The following IGF2R variants were observed in gnomAD, a reference collection of about 807,000 sequenced individuals.
The protein encoded by IGF2R is insulin like growth factor 2 receptor.
IGF2R carries 91 observed loss-of-function variants against 270.6 expected under a neutral mutation model. The observed-to-expected ratio is 0.34, with a 90% CI of 0.28 to 0.40. The LOEUF is 0.40. Among genes scored for constraint, IGF2R ranks in the 10% least tolerant of loss-of-function variants. The pLI is 1.00. For missense variants in IGF2R, 2,805 were observed against 3,188.3 expected, an observed-to-expected ratio of 0.88 and a Z score of 2.90; for synonymous variants, 1,316 against 1,258.9, an observed-to-expected ratio of 1.05 and a Z score of -0.96.
intron 5 of IGF2R, among the ~76,000 whole-genome samples, chr6:160,025,566 A>G (rs8191750): frequency 0.12 from 18,146 of 151,902 alleles, 1,187 homozygotes; most frequent in South Asian, 0.25. Context: ...TCTTTAAATT[A>G]TATATATACA....
At chr6:160,022,822 C>T (rs553694409) in intron 4 of IGF2R, among the ~76,000 whole-genome samples, 2 of 152,150 alleles carry the variant, frequency 1.3e-5, no homozygotes, top group South Asian at 2.1e-4. Flanking sequence ...AGAGGCCTTA[C>T]TAAGGGCGAT....
chr6:160,046,082 T>G (rs561926041), intron 14 of IGF2R, among the ~76,000 whole-genome samples, 200 bp downstream of exon 14: 4 of 152,314 alleles, frequency 2.6e-5, no homozygotes, highest in Admixed American at 1.3e-4. Context: ...TTGAGGTGGT[T>G]TTGCTGAATG....
At chr6:160,010,542 C>T in intron 3 of IGF2R, 145 bp from the exon 4 acceptor site, 2 of 555,328 alleles carry the variant, frequency 3.6e-6, no homozygotes, top group South Asian at 2.7e-5. Flanking sequence ...TCTTGATGAC[C>T]CCGTTTAACT....
At chr6:160,049,271 A>C (rs536948828) in intron 18 of IGF2R, among the ~76,000 whole-genome samples, 12 of 152,210 alleles carry the variant, frequency 7.9e-5, no homozygotes, top group Non-Finnish European at 1.6e-4. Context: ...CTCTTTATTC[A>C]CAGATTCTGC....
At chr6:159,984,573 G>A (rs565827003) in intron 1 of IGF2R, among the ~76,000 whole-genome samples, 11 of 152,328 alleles carry the variant, frequency 7.2e-5, no homozygotes, top group African/African-American at 2.4e-4. Flanking sequence ...ACAGTTGCCT[G>A]GGGTATTCAG....
intron 35 of IGF2R, 58 bp downstream of exon 35, chr6:160,074,033 T>G (rs1303763991): frequency 9.5e-6 from 12 of 1,257,774 alleles, no homozygotes; most frequent in African/African-American, 3.0e-5. Flanking sequence ...AGTGATAACC[T>G]TTGCGTTGTT....
chr6:160,024,436 GA>G, intron 4 of IGF2R, 135 bp from the exon 5 acceptor site: 1 of 787,134 alleles, frequency 1.3e-6, no homozygotes, highest in Non-Finnish European at 2.1e-6. Flanking sequence ...ACCTTTGCCT[GA>G]GTTCGTTATT....
chr6:159,984,356 T>A (rs1439390453), intron 1 of IGF2R, among the ~76,000 whole-genome samples: 1 of 152,174 alleles, frequency 6.6e-6, no homozygotes, highest in East Asian at 1.9e-4. Context: ...AATACTGCTG[T>A]AAACGAACCC....
intron 13 of IGF2R, 28 bp downstream of exon 13, chr6:160,044,685 T>C (rs1778029723): frequency 1.3e-6 from 2 of 1,583,316 alleles, no homozygotes; most frequent in Non-Finnish European, 1.7e-6. Flanking sequence ...GATGAAATCT[T>C]TTCTGGCTTC....
rs772819799 is a variant in IGF2R at position 160,075,856 on chromosome 6, C to T, written c.5176C>T (p.Arg1726Trp). ...CTCGCTCTTTGTTTAGGATATCGGC[C>T]GGGTAGCAGGACCACCAATACTCAA... ...PIDGPPIDIG[R>W]VAGPPILNPI... Residue 1726 changes from arginine to tryptophan, a missense_variant, in exon 36 of 48, where the codon CGG (arginine) becomes TGG (tryptophan). Transcript: ENST00000356956. The T allele has an allele frequency of 3.7e-6, 6 of 1,613,374 alleles. No individual in the cohort carries two copies. Among genetic ancestry groups the T allele is most frequent in the Non-Finnish European group, 2.5e-6 (3 of 1,179,518 alleles).
chr6:160,044,946 G>A (rs1335196791), intron 13 of IGF2R, among the ~76,000 whole-genome samples: 1 of 152,094 alleles, frequency 6.6e-6, no homozygotes, highest in East Asian at 1.9e-4. Flanking sequence ...CCAGTCATGT[G>A]GTTACTTAAC....
Position 160,064,838 on chromosome 6 carries a change from A to C in IGF2R, c.4052A>C (p.Tyr1351Ser), listed in dbSNP as rs761689625. The change falls in exon 29 of 48, where the codon TAC (tyrosine) becomes TCC (serine). Residue 1351 changes from tyrosine to serine, a missense_variant. This residue lies in a region of IGF2R where 1,851 missense variants were observed against 2,207.2 expected (regional missense o/e 0.84). Transcript: ENST00000356956. ...CTAAAGGAGACTTCAGATTGTTCCT[A>C]CTTGTTTGAGTGGCGAACGCAGTAT... ...VFLKETSDCS[Y>S]LFEWRTQYAC... 4 of 1,613,768 alleles carry C rather than the reference A, an allele frequency of 2.5e-6. No homozygotes were observed. The highest frequency in any genetic ancestry group is 3.3e-5 in the Admixed American group (2 of 60,012).
chr6:159,977,688 A>T (rs1452987755), intron 1 of IGF2R, among the ~76,000 whole-genome samples: 2 of 152,180 alleles, frequency 1.3e-5, no homozygotes, highest in African/African-American at 4.8e-5. Flanking sequence ...TTAGGGAGTT[A>T]GTTTTGGAAG....
chr6:160,084,902 C>A lies in IGF2R; in HGVS notation c.6069-93C>A. 1 of 1,240,932 alleles carries A rather than the reference C, an allele frequency of 8.1e-7. No individual in the cohort carries two copies. The highest frequency in any genetic ancestry group is 1.1e-6 in the Non-Finnish European group (1 of 884,610). The allele number at this position is 1,240,932 out of a possible 1,614,324, so 76.9% of individuals were successfully genotyped here. ...GGAATGGAGCCCTTAGTTATCAGAA[C>A]CTTTCTCTGAAAGTAAAGTGAAGAG... On this transcript the variant is annotated intron_variant, in intron 40 of 47. Transcript: ENST00000356956. The surrounding 1 kb of genome is among the most constrained non-coding windows in gnomAD (Gnocchi z 4.6).
intron 10 of IGF2R, among the ~76,000 whole-genome samples, chr6:160,035,152 C>G (rs1373016844): frequency 6.6e-6 from 1 of 152,160 alleles, no homozygotes; most frequent in Non-Finnish European, 1.5e-5. Context: ...GAGACCTGCC[C>G]CATCTGTTGA....
chr6:160,040,482 A>G, intron 10 of IGF2R, 78 bp from the exon 11 acceptor site: 2 of 1,263,996 alleles, frequency 1.6e-6, no homozygotes, highest in East Asian at 2.3e-5. Flanking sequence ...GGTCCTGTTC[A>G]GTTTCTTCCT....
chr6:159,994,299 C>G (rs1784020524), intron 2 of IGF2R, among the ~76,000 whole-genome samples: 1 of 151,762 alleles, frequency 6.6e-6, no homozygotes, highest in South Asian at 2.1e-4. Context: ...TCAATGTCTA[C>G]TTTTTCATTT....
intron 13 of IGF2R, 100 bp from the exon 14 acceptor site, chr6:160,045,645 C>A: frequency 1.4e-6 from 2 of 1,442,556 alleles, no homozygotes; most frequent in Non-Finnish European, 1.9e-6. Context: ...ACCTCATTTC[C>A]CACTGTCCCT....
chr6:160,080,042 C>A, intron 38 of IGF2R, 87 bp from the exon 39 acceptor site: 1 of 1,491,092 alleles, frequency 6.7e-7, no homozygotes. Context: ...GGATGGGCAG[C>A]TTCCTTAGGG....
Sources: gnomAD v4.1 joint callset for allele counts (sites outside exome capture counted in the v4.1 genomes callset) on GRCh38, gnomAD v4.1.1 for gene constraint, gnomAD v4.1.1 regional missense constraint, Gnocchi (gnomAD v3.1) non-coding constraint, MANE v1.5 for transcripts, NCBI Gene and HGNC (gene_info 2026-07-23, HGNC 2026-07-21) for gene names.